Variants in PRSS38 observed in about 807,000 individuals in gnomAD.
PRSS38 encodes the protein serine protease 38, also known as marapsin 2.
Under a neutral mutation model 26.8 loss-of-function variants are expected in PRSS38, and 22 were observed. The ratio of observed to expected loss-of-function variants is 0.82; its 90% CI spans 0.59 to 1.17. The LOEUF (loss-of-function observed/expected upper bound fraction) is 1.17. Among genes scored for constraint, PRSS38 ranks in the 50% most tolerant of loss-of-function variants. The pLI is 0.00. For synonymous variants in PRSS38, 175 were observed against 172.1 expected, an observed-to-expected ratio of 1.02 and a Z score of -0.13; for missense variants, 427 against 422.7, an observed-to-expected ratio of 1.01 and a Z score of -0.09.
chr1:227,830,953 G>T (rs1175275532), intron 3 of PRSS38, among the ~76,000 whole-genome samples: 2 of 151,878 alleles, frequency 1.3e-5, no homozygotes, highest in Admixed American at 1.3e-4. Context: ...ATAACTAAAG[G>T]TTTATCAATT....
At chr1:227,823,648 A>G (rs1050161962) in intron 3 of PRSS38, among the ~76,000 whole-genome samples, 1 of 152,136 alleles carries the variant, frequency 6.6e-6, no homozygotes, top group Non-Finnish European at 1.5e-5. Context: ...AAGCTGGACT[A>G]ATGTTTAAGA....
Position 227,816,046 on chromosome 1 carries a change from G to A in PRSS38, c.149-44G>A, listed in dbSNP as rs114564458. ...GTCCCCTGCCTGCCCTACCTCTCCC[G>A]TGGCCCCAGCATGGCTCCACCGTCA... On this transcript the variant is annotated intron_variant, in intron 1 of 4. Coordinates refer to ENST00000366757, the Ensembl canonical transcript of PRSS38. The surrounding 1 kb of genome is among the most constrained non-coding windows in gnomAD (Gnocchi z 5.1). The A allele has an allele frequency of 2.5e-3, 3,530 of 1,390,764 alleles. 66 individuals carry two copies. The African/African-American group carries it at 0.047, about 18-fold the overall frequency. 86.2% of individuals were successfully genotyped at this position (1,390,764 alleles called of 1,614,324 possible). A position where few individuals can be genotyped will look rare whatever the true frequency, so the allele number is the denominator to read the frequency against.
intron 3 of PRSS38, among the ~76,000 whole-genome samples, chr1:227,826,208 T>C (rs1230756769): frequency 6.6e-6 from 1 of 152,212 alleles, no homozygotes; most frequent in Non-Finnish European, 1.5e-5. Flanking sequence ...ATAGGAATGC[T>C]AGCAAGTTTT....
chr1:227,823,795 A>C (rs1665034085), intron 3 of PRSS38, among the ~76,000 whole-genome samples: 1 of 152,206 alleles, frequency 6.6e-6, no homozygotes, highest in African/African-American at 2.4e-5. Context: ...AGTCTGCAGA[A>C]CTGTGAGCCA....
chr1:227,842,829 G>T (rs1014338070), intron 3 of PRSS38, among the ~76,000 whole-genome samples: 4 of 151,984 alleles, frequency 2.6e-5, no homozygotes, highest in East Asian at 1.9e-4. Context: ...CACCTGCCTC[G>T]GCCTCCCAAA....
intron 3 of PRSS38, among the ~76,000 whole-genome samples, chr1:227,834,595 G>A (rs888836797): frequency 6.6e-6 from 1 of 152,070 alleles, no homozygotes; most frequent in Non-Finnish European, 1.5e-5. Context: ...TTTGAACCCG[G>A]GAGGCAGAGG....
At chr1:227,821,000 G>T (rs1035398414) in intron 3 of PRSS38, among the ~76,000 whole-genome samples, 1 of 152,104 alleles carries the variant, frequency 6.6e-6, no homozygotes, top group Non-Finnish European at 1.5e-5. Context: ...TCATTTGCAA[G>T]ATAAGTTATT....
At chr1:227,818,689 A>C (rs1022554566) in intron 3 of PRSS38, among the ~76,000 whole-genome samples, 6 of 151,822 alleles carry the variant, frequency 4.0e-5, no homozygotes, top group Admixed American at 3.9e-4. Flanking sequence ...AAAAAAAAAA[A>C]AAAAAAAAAA....
At position 227,846,367 on chromosome 1, in the gene PRSS38, T is replaced by C. The variant is rs1020323863; in HGVS notation, c.*159T>C. The C allele has an allele frequency of 2.0e-5, 19 of 948,450 alleles. No homozygotes were observed. The African/African-American group carries it at 2.5e-4, about 12-fold the overall frequency. The allele number at this position is 948,450 out of a possible 1,614,324, so 58.8% of individuals were successfully genotyped here. On this transcript the variant is annotated 3_prime_UTR_variant, in exon 5 of 5. Transcript: ENST00000366757. ...GAGTCCAGGAGGTGATGAGCAAGTG[T>C]ACAAAAGAAAAAAGGGAAGGGGGAG... is the stretch of plus-strand genomic sequence containing the variant.
At chr1:227,845,384 T>A in intron 3 of PRSS38, 86 bp from the exon 4 acceptor site, 1 of 908,476 alleles carries the variant, frequency 1.1e-6, no homozygotes, top group Non-Finnish European at 1.7e-6. Flanking sequence ...CCATGGGCTA[T>A]CCCCTTGGTG....
rs776715287 is a variant in PRSS38 at position 227,820,193 on chromosome 1, GT to G, written c.583+2723del. On this transcript the variant is annotated intron_variant, in intron 3 of 4. Coordinates refer to ENST00000366757, the Ensembl canonical transcript of PRSS38. Reference sequence around the variant, plus strand: ...TTTGTTTATTATATGTAGTAGTTTTGTTTTTTTTTTAAAGATTAATTGGGAT... The same window carrying G: ...TTTGTTTATTATATGTAGTAGTTTTGTTTTTTTTTAAAGATTAATTGGGAT... 5.5e-4 allele frequency among the ~76,000 whole-genome samples: 76 copies of G among 137,404 alleles called. 1 individual carries two copies. Among genetic ancestry groups the G allele is most frequent in the African/African-American group, 9.3e-4 (35 of 37,434 alleles). 90.1% of individuals were successfully genotyped at this position (137,404 alleles called of 152,430 possible).
intron 3 of PRSS38, among the ~76,000 whole-genome samples, chr1:227,845,199 CTA>C (rs1341753573): frequency 6.8e-6 from 1 of 147,546 alleles, no homozygotes; most frequent in African/African-American, 2.5e-5. Context: ...GGGCTCCTCC[CTA>C]TGTGTGGTGG....
intron 3 of PRSS38, among the ~76,000 whole-genome samples, chr1:227,833,708 G>A (rs993961853): frequency 9.9e-5 from 15 of 152,200 alleles, no homozygotes; most frequent in Admixed American, 5.2e-4. Flanking sequence ...TCCATTCCAT[G>A]GGGAAGGAAC....
At chr1:227,824,631 T>C (rs1196850866) in intron 3 of PRSS38, among the ~76,000 whole-genome samples, 1 of 152,180 alleles carries the variant, frequency 6.6e-6, no homozygotes, top group Non-Finnish European at 1.5e-5. Flanking sequence ...TCTGGGTTTT[T>C]GAGGACTCGC....
intron 3 of PRSS38, among the ~76,000 whole-genome samples, chr1:227,818,119 T>C (rs1315049605): frequency 1.3e-5 from 2 of 152,198 alleles, no homozygotes; most frequent in Non-Finnish European, 2.9e-5. Flanking sequence ...CTTCTTACAA[T>C]GGTTGGAACC....
At chr1:227,824,969 G>A (rs1161018594) in intron 3 of PRSS38, among the ~76,000 whole-genome samples, 1 of 152,038 alleles carries the variant, frequency 6.6e-6, no homozygotes, top group Admixed American at 6.6e-5. Context: ...CTGGATATTA[G>A]ACCTTTGTCA....
intron 3 of PRSS38, among the ~76,000 whole-genome samples, chr1:227,831,740 T>C (rs1460638878): frequency 6.6e-6 from 1 of 152,094 alleles, no homozygotes. Flanking sequence ...TAGTCCCAGC[T>C]ACTTGGGAGG....
chr1:227,828,421 C>G (rs1230149815), intron 3 of PRSS38, among the ~76,000 whole-genome samples: 1 of 152,020 alleles, frequency 6.6e-6, no homozygotes, highest in Middle Eastern at 3.2e-3. Context: ...CTTGTTGAAC[C>G]CTTTACTATT....
chr1:227,823,924 C>A (rs1050065362), intron 3 of PRSS38, among the ~76,000 whole-genome samples: 1 of 152,154 alleles, frequency 6.6e-6, no homozygotes, highest in Non-Finnish European at 1.5e-5. Flanking sequence ...CATGTGAGTG[C>A]AGGTATTTTT....
Sources: gnomAD v4.1 joint callset for allele counts (sites outside exome capture counted in the v4.1 genomes callset) on GRCh38, gnomAD v4.1.1 for gene constraint, Gnocchi (gnomAD v3.1) non-coding constraint, MANE v1.5 for transcripts, NCBI Gene and HGNC (gene_info 2026-07-23, HGNC 2026-07-21) for gene names.